TRPM3: variants seen among roughly 807,000 people sequenced by gnomAD.
TRPM3 encodes transient receptor potential cation channel subfamily M member 3, also known as long transient receptor potential channel 3.
TRPM3 carries 77 observed loss-of-function variants against 181.2 expected under a neutral mutation model. That is an observed-to-expected ratio of 0.42 (90% confidence interval 0.35 to 0.51). The LOEUF (loss-of-function observed/expected upper bound fraction) is 0.51, where lower values mean the gene tolerates loss of function less well. Among genes scored for constraint, TRPM3 ranks in the 20% least tolerant of loss-of-function variants. TRPM3 has a pLI of 0.01. For synonymous variants in TRPM3, 745 were observed against 796.4 expected, an observed-to-expected ratio of 0.94 and a Z score of 1.09; for missense variants, 1,759 against 2,196.7, an observed-to-expected ratio of 0.80 and a Z score of 3.98.
intron 1 of TRPM3, among the ~76,000 whole-genome samples, chr9:70,877,877 T>G (rs2095899203): frequency 6.6e-6 from 1 of 151,716 alleles, no homozygotes; most frequent in Non-Finnish European, 1.5e-5. Context: ...ACACTATTTA[T>G]GATTATTCAT....
chr9:71,057,213 G>A (rs968795119), intron 1 of TRPM3, among the ~76,000 whole-genome samples: 1 of 151,918 alleles, frequency 6.6e-6, no homozygotes, highest in Admixed American at 6.6e-5. Context: ...CCTCTGAAGG[G>A]CCAGAGGGGC....
At chr9:70,620,913 G>C (rs1299891366) in intron 15 of TRPM3, among the ~76,000 whole-genome samples, 1 of 151,136 alleles carries the variant, frequency 6.6e-6, no homozygotes, top group Non-Finnish European at 1.5e-5. Context: ...TGGTTTTCAG[G>C]TTAGTATTTC....
intron 1 of TRPM3, among the ~76,000 whole-genome samples, chr9:71,001,309 T>C (rs2097597807): frequency 6.6e-6 from 1 of 152,122 alleles, no homozygotes; most frequent in African/African-American, 2.4e-5. Flanking sequence ...TCTGATCCAG[T>C]TTATAAACTC....
chr9:70,956,686 A>G lies in TRPM3; in HGVS notation c.178-92175T>C, dbSNP rs151010857. The stretch of plus-strand genomic sequence containing the variant: ...ATTTCTTTGAGGCCAGGACTTTGAC[A>G]GCAGCCTGGGCAACATAGCAAGACC... On this transcript the variant is annotated intron_variant, in intron 1 of 25. Coordinates refer to ENST00000677713, the MANE Select transcript of TRPM3 (RefSeq NM_001366145.2). 5.2e-3 allele frequency among the ~76,000 whole-genome samples: 789 copies of G among 152,162 alleles called. 8 individuals are homozygous for G. The highest frequency in any genetic ancestry group is 0.019 in the African/African-American group (772 of 41,522).
chr9:70,923,847 C>T (rs1237987253), intron 1 of TRPM3, among the ~76,000 whole-genome samples: 3 of 141,870 alleles, frequency 2.1e-5, no homozygotes, highest in Admixed American at 7.0e-5. Context: ...TATATATACA[C>T]ACACACACAC....
intron 9 of TRPM3, among the ~76,000 whole-genome samples, chr9:70,646,501 T>C (rs1589745218): frequency 6.6e-6 from 1 of 151,996 alleles, no homozygotes. Flanking sequence ...TTCTCACTCA[T>C]AGTGGGAGTT....
At chr9:71,165,847 T>C (rs372984204) in intron 1 of TRPM3, among the ~76,000 whole-genome samples, 42 of 152,204 alleles carry the variant, frequency 2.8e-4, no homozygotes, top group Non-Finnish European at 5.7e-4. Context: ...AGTTTGTAGG[T>C]GAGGTTAATG....
chr9:71,245,838 CAG>C lies in TRPM3; in HGVS notation c.183+200813_183+200814del, dbSNP rs1405355156. 5.3e-5 allele frequency among the ~76,000 whole-genome samples: 8 copies of C among 152,208 alleles called. No homozygotes were observed. In the East Asian group the frequency reaches 1.5e-3, roughly 29 times the overall value. ...GAGACAGGAACAGATGTCAAAGACA[CAG>C]AGTTTGTGGCTAACATTGGAAAACA... is the stretch of plus-strand genomic sequence containing the variant. On this transcript the variant is annotated intron_variant, in intron 1 of 24. Coordinates refer to the TRPM3 transcript ENST00000357533.
At chr9:71,123,441 A>G (rs1383731824), upstream of TRPM3, among the ~76,000 whole-genome samples, 2 of 152,104 alleles carry the variant, frequency 1.3e-5, no homozygotes, top group Non-Finnish European at 2.9e-5. Context: ...CCTTATGCCT[A>G]TGGTTGTTGT....
intron 20 of TRPM3, among the ~76,000 whole-genome samples, 163 bp from the exon 21 acceptor site, chr9:70,598,833 G>T (rs1045586117): frequency 2.0e-5 from 3 of 152,172 alleles, no homozygotes; most frequent in African/African-American, 7.2e-5. Flanking sequence ...GCTAAGCTTA[G>T]GTGATTATTC....
At chr9:71,322,982 A>G (rs532573695) in intron 1 of TRPM3, among the ~76,000 whole-genome samples, 252 of 152,242 alleles carry the variant, frequency 1.7e-3, no homozygotes, top group African/African-American at 5.9e-3. Flanking sequence ...CCTTTTTGCA[A>G]TATTTCTCCA....
chr9:71,375,254 T>G (rs1224984259), intron 1 of TRPM3, among the ~76,000 whole-genome samples: 1 of 152,068 alleles, frequency 6.6e-6, no homozygotes, highest in Non-Finnish European at 1.5e-5. Context: ...AAATCTGACT[T>G]AAACAAGCAA....
At chr9:71,190,772 T>C (rs972367446) in intron 1 of TRPM3, among the ~76,000 whole-genome samples, 22 of 151,856 alleles carry the variant, frequency 1.4e-4, no homozygotes, top group Admixed American at 3.3e-4. Flanking sequence ...TCCTCTGTTC[T>C]AATCCACCTG....
intron 1 of TRPM3, 52 bp from the exon 2 acceptor site, chr9:70,864,563 C>T (rs755633628): frequency 4.1e-5 from 52 of 1,279,768 alleles, no homozygotes; most frequent in Non-Finnish European, 5.1e-5. Flanking sequence ...GAAAGGTGAA[C>T]ATACCGTGAA....
chr9:70,996,837 ATTTGGCTCCTAT>A (rs2097545344), intron 1 of TRPM3, among the ~76,000 whole-genome samples: 1 of 152,186 alleles, frequency 6.6e-6, no homozygotes, highest in Admixed American at 6.5e-5. Flanking sequence ...TTCAGATCTT[ATTTGGCTCCTAT>A]GAACAGGTAG....
chr9:71,236,883 C>T (rs1006109809), intron 1 of TRPM3, among the ~76,000 whole-genome samples: 2 of 151,960 alleles, frequency 1.3e-5, no homozygotes, highest in East Asian at 3.9e-4. Flanking sequence ...ACTGTCTCTA[C>T]TAAAAACACA....
intron 1 of TRPM3, among the ~76,000 whole-genome samples, chr9:71,165,880 A>T (rs930317753): frequency 2.0e-4 from 30 of 152,174 alleles, no homozygotes; most frequent in African/African-American, 6.8e-4. Context: ...AATGTGGGAC[A>T]AACTATAGAA....
intron 1 of TRPM3, among the ~76,000 whole-genome samples, chr9:70,997,509 T>C (rs2097551725): frequency 6.6e-6 from 1 of 152,236 alleles, no homozygotes; most frequent in Admixed American, 6.5e-5. Flanking sequence ...CTTAATACTT[T>C]TTTTTGGTTT....
chr9:70,776,129 T>C (rs974687156), intron 7 of TRPM3: 2 of 243,302 alleles, frequency 8.2e-6, no homozygotes, highest in African/African-American at 4.4e-5. Flanking sequence ...TTGAGAATCA[T>C]GGTCTAGGCC....
Sources: allele counts gnomAD v4.1 joint callset (sites outside exome capture counted in the v4.1 genomes callset), GRCh38; gene constraint gnomAD v4.1.1; transcripts MANE v1.5; gene names NCBI Gene and HGNC (gene_info 2026-07-23, HGNC 2026-07-21).